FAM135A: variants seen among roughly 807,000 people sequenced by gnomAD.
The protein encoded by FAM135A is family with sequence similarity 135 member A.
FAM135A carries 79 observed loss-of-function variants against 146.8 expected under a neutral mutation model. The ratio of observed to expected loss-of-function variants is 0.54; its 90% CI spans 0.45 to 0.65. FAM135A has a LOEUF of 0.65. Ranked by LOEUF, FAM135A falls within the 30% of genes least tolerant of loss-of-function variation. FAM135A has a pLI of 0.00. For synonymous variants in FAM135A, 562 were observed against 603.6 expected (o/e 0.93, Z 1.01); for missense variants, 1,623 against 1,758.2 (o/e 0.92, Z 1.38).
chr6:70,490,667 A>T (rs1785691728), intron 10 of FAM135A, among the ~76,000 whole-genome samples: 1 of 152,074 alleles, frequency 6.6e-6, no homozygotes, highest in African/African-American at 2.4e-5. Context: ...AAAGCAAGGC[A>T]TATGTATATA....
intron 4 of FAM135A, among the ~76,000 whole-genome samples, chr6:70,434,645 G>T (rs566568123): frequency 6.6e-6 from 1 of 152,300 alleles, no homozygotes; most frequent in South Asian, 2.1e-4. Context: ...ATTAGCAATG[G>T]CATCTTGAGT....
At chr6:70,484,430 T>A (rs1309125968) in intron 10 of FAM135A, among the ~76,000 whole-genome samples, 1 of 152,212 alleles carries the variant, frequency 6.6e-6, no homozygotes, top group Non-Finnish European at 1.5e-5. Context: ...AAATTTATAA[T>A]TAGTAATTAA....
intron 4 of FAM135A, among the ~76,000 whole-genome samples, chr6:70,429,530 ATAAAAAT>A (rs1770999068): frequency 6.6e-6 from 1 of 152,122 alleles, no homozygotes; most frequent in African/African-American, 2.4e-5. Flanking sequence ...GTTAAAAAAA[ATAAAAAT>A]TAAAAAAAAA....
intron 5 of FAM135A, among the ~76,000 whole-genome samples, chr6:70,454,733 C>T (rs1370298876): frequency 6.6e-6 from 1 of 152,110 alleles, no homozygotes; most frequent in South Asian, 2.1e-4. Context: ...TGTAGTGTTA[C>T]TTCTGAGGCC....
At chr6:70,554,973 T>C (rs1800555946) in intron 20 of FAM135A, among the ~76,000 whole-genome samples, 1 of 152,206 alleles carries the variant, frequency 6.6e-6, no homozygotes, top group Non-Finnish European at 1.5e-5. Context: ...TCTATTGGAA[T>C]TACAGATTTA....
chr6:70,423,217 T>C (rs981910334), intron 2 of FAM135A, among the ~76,000 whole-genome samples: 2 of 152,140 alleles, frequency 1.3e-5, no homozygotes, highest in African/African-American at 2.4e-5. Context: ...TCGTAGGAGA[T>C]GAAGTCAGAG....
intron 4 of FAM135A, among the ~76,000 whole-genome samples, chr6:70,434,416 C>T (rs1293586247): frequency 2.0e-5 from 3 of 152,162 alleles, no homozygotes; most frequent in Non-Finnish European, 4.4e-5. Flanking sequence ...AGTAGCTTGT[C>T]TGCAGATGGT....
chr6:70,479,029 C>T (rs1224450003), intron 8 of FAM135A, among the ~76,000 whole-genome samples: 1 of 152,022 alleles, frequency 6.6e-6, no homozygotes, highest in African/African-American at 2.4e-5. Context: ...ATGTATTACT[C>T]TAGTTTTCTA....
intron 12 of FAM135A, among the ~76,000 whole-genome samples, chr6:70,507,866 G>C (rs1296974189): frequency 6.6e-6 from 1 of 151,314 alleles, no homozygotes; most frequent in Non-Finnish European, 1.5e-5. Flanking sequence ...TACACAAAAA[G>C]CAAAAAAAAA....
intron 12 of FAM135A, 52 bp downstream of exon 12, chr6:70,502,843 T>G: frequency 6.5e-7 from 1 of 1,534,096 alleles, no homozygotes; most frequent in South Asian, 1.3e-5. Context: ...TTATTTACCT[T>G]TAGAAAATTT....
rs1794339728 is a variant in FAM135A at position 70,524,820 on chromosome 6, A to G, written c.1736A>G (p.Asn579Ser). 1.3e-6 allele frequency: 2 copies of G among 1,565,776 alleles called. No individual in the cohort carries two copies. Among genetic ancestry groups the G allele is most frequent in the Admixed American group, 1.9e-5 (1 of 53,060 alleles). Reference protein sequence around the residue: ...SQKEASCLPTNTERTEQKSPD... With the variant: ...SQKEASCLPTSTERTEQKSPD... ...AAGGAAGCTAGCTGTTTGCCAACTA[A>G]TACAGAGAGAACTGAACAAAAGTCT... The change falls in exon 15 of 22, where the codon AAT becomes AGT. Residue 579 changes from asparagine to serine, a missense_variant. This residue lies in a region of FAM135A where 1,061 missense variants were observed against 1,113.8 expected (regional missense o/e 0.95). Transcript: ENST00000418814.
intron 20 of FAM135A, among the ~76,000 whole-genome samples, chr6:70,550,993 A>G (rs868328060): frequency 3.3e-5 from 5 of 152,324 alleles, no homozygotes; most frequent in Middle Eastern, 3.4e-3. Flanking sequence ...TGTTCTGTGC[A>G]GCTTCTTCAC....
chr6:70,446,927 C>A (rs1335388152), intron 4 of FAM135A, among the ~76,000 whole-genome samples: 1 of 152,224 alleles, frequency 6.6e-6, no homozygotes, highest in Non-Finnish European at 1.5e-5. Flanking sequence ...GTGCTCCGCA[C>A]TGTTGTAATA....
intron 12 of FAM135A, among the ~76,000 whole-genome samples, chr6:70,519,290 A>G (rs1793012647): frequency 6.6e-6 from 1 of 152,236 alleles, no homozygotes; most frequent in Admixed American, 6.5e-5. Context: ...ACTTGAATAG[A>G]TGAAGAGTTG....
chr6:70,484,208 C>G (rs1266984730), intron 10 of FAM135A, among the ~76,000 whole-genome samples: 8 of 152,148 alleles, frequency 5.3e-5, no homozygotes, highest in Admixed American at 4.6e-4. Flanking sequence ...ATTAAGAAAT[C>G]AGCTCAGCAT....
intron 20 of FAM135A, among the ~76,000 whole-genome samples, chr6:70,551,947 C>T (rs1297194069): frequency 6.6e-6 from 1 of 151,992 alleles, no homozygotes; most frequent in Non-Finnish European, 1.5e-5. Flanking sequence ...GACACAGAGA[C>T]ACAAAGTGAA....
intron 12 of FAM135A, among the ~76,000 whole-genome samples, chr6:70,507,601 A>T (rs1206978225): frequency 6.6e-6 from 1 of 152,140 alleles, no homozygotes; most frequent in Non-Finnish European, 1.5e-5. Flanking sequence ...AATTAATTTT[A>T]TACTGGTTCA....
intron 21 of FAM135A, among the ~76,000 whole-genome samples, 153 bp from the exon 22 acceptor site, chr6:70,559,563 A>G (rs1801570355): frequency 6.6e-6 from 1 of 152,236 alleles, no homozygotes; most frequent in South Asian, 2.1e-4. Flanking sequence ...ATGATAGTTG[A>G]AGGAAAATTA....
intron 11 of FAM135A, among the ~76,000 whole-genome samples, chr6:70,500,328 A>G (rs1045945829): frequency 5.9e-5 from 9 of 152,112 alleles, no homozygotes; most frequent in African/African-American, 1.7e-4. Context: ...TTTCAACTCC[A>G]TTGGGTCATT....
Sources: gnomAD v4.1 joint callset for allele counts (sites outside exome capture counted in the v4.1 genomes callset) on GRCh38, gnomAD v4.1.1 for gene constraint, gnomAD v4.1.1 regional missense constraint, MANE v1.5 for transcripts, NCBI Gene and HGNC (gene_info 2026-07-23, HGNC 2026-07-21) for gene names.